The following ASTN2 variants were observed in gnomAD, a reference collection of about 807,000 sequenced individuals.
The protein encoded by ASTN2 is astrotactin 2, also known as astrotactin-2.
In ASTN2, 54 loss-of-function variants were observed where a neutral mutation model predicts 139.8. The observed-to-expected ratio is 0.39, with a 90% CI of 0.31 to 0.48. The LOEUF (loss-of-function observed/expected upper bound fraction) is 0.48. Among genes scored for constraint, ASTN2 ranks in the 20% least tolerant of loss-of-function variants. The probability of loss-of-function intolerance (pLI) is 0.95; values close to 1 mark genes in which losing one functional copy is unlikely to be tolerated. For missense variants in ASTN2, 1,565 were observed against 1,725.1 expected, an observed-to-expected ratio of 0.91 and a Z score of 1.64; for synonymous variants, 756 against 719.5, an observed-to-expected ratio of 1.05 and a Z score of -0.81.
At chr9:116,715,624 C>G (rs1828290802) in intron 16 of ASTN2, among the ~76,000 whole-genome samples, 1 of 152,128 alleles carries the variant, frequency 6.6e-6, no homozygotes, top group South Asian at 2.1e-4. Context: ...CACATGCACA[C>G]TTTATGCTTT....
intron 1 of ASTN2, among the ~76,000 whole-genome samples, chr9:117,340,224 C>T (rs923513668): frequency 2.7e-5 from 4 of 147,630 alleles, no homozygotes. Flanking sequence ...CCCAGCGACT[C>T]GGGAGGCTGA....
chr9:116,592,766 C>T (rs957043551), intron 19 of ASTN2, among the ~76,000 whole-genome samples: 1 of 152,190 alleles, frequency 6.6e-6, no homozygotes, highest in Non-Finnish European at 1.5e-5. Context: ...TCAACCACTT[C>T]ACTTCACAGA....
At chr9:116,442,788 A>C (rs193029379) in intron 20 of ASTN2, among the ~76,000 whole-genome samples, 123 of 152,366 alleles carry the variant, frequency 8.1e-4, no homozygotes, top group African/African-American at 2.9e-3. Context: ...ACTGAGACTT[A>C]GATTGTGTAT....
intron 10 of ASTN2, among the ~76,000 whole-genome samples, chr9:116,967,356 T>A (rs1465888647): frequency 6.6e-6 from 1 of 152,204 alleles, no homozygotes; most frequent in East Asian, 1.9e-4. Context: ...CCAGTATCCA[T>A]GCTATTCACT....
chr9:117,048,779 T>G (rs904687296), intron 5 of ASTN2, among the ~76,000 whole-genome samples: 2 of 152,096 alleles, frequency 1.3e-5, no homozygotes, highest in Non-Finnish European at 2.9e-5. Context: ...AAATGAGAAG[T>G]GACAGTCTTA....
intron 2 of ASTN2, among the ~76,000 whole-genome samples, chr9:117,261,293 G>A (rs563482214): frequency 6.6e-6 from 1 of 152,290 alleles, no homozygotes; most frequent in East Asian, 1.9e-4. Flanking sequence ...GTGTAATTCA[G>A]CAGAAATTGG....
At chr9:117,240,604 G>A (rs537418808) in intron 2 of ASTN2, among the ~76,000 whole-genome samples, 5 of 152,236 alleles carry the variant, frequency 3.3e-5, no homozygotes, top group Admixed American at 1.3e-4. Context: ...AATTAAGTGC[G>A]GGTACTATAA....
chr9:116,979,413 C>T (rs750188409), intron 7 of ASTN2, among the ~76,000 whole-genome samples: 7 of 151,982 alleles, frequency 4.6e-5, no homozygotes, highest in Admixed American at 1.3e-4. Flanking sequence ...AGAGGAAGTG[C>T]TGTAAGTAGT....
At chr9:117,036,081 A>G (rs1838376938) in intron 6 of ASTN2, among the ~76,000 whole-genome samples, 1 of 152,178 alleles carries the variant, frequency 6.6e-6, no homozygotes, top group African/African-American at 2.4e-5. Flanking sequence ...ACGTTCAATC[A>G]TCCCATAATA....
chr9:117,241,746 C>T (rs560772381), intron 2 of ASTN2, among the ~76,000 whole-genome samples: 1 of 152,184 alleles, frequency 6.6e-6, no homozygotes, highest in Non-Finnish European at 1.5e-5. Flanking sequence ...GTTTGGGGAC[C>T]ACTTCTGTAA....
chr9:116,445,423 G>C (rs983999138), intron 20 of ASTN2, among the ~76,000 whole-genome samples: 2 of 152,212 alleles, frequency 1.3e-5, no homozygotes, highest in African/African-American at 4.8e-5. Context: ...GTAGTGAATA[G>C]AATATATGAA....
intron 11 of ASTN2, among the ~76,000 whole-genome samples, chr9:116,841,048 C>G (rs111610995): frequency 1.1e-5 from 1 of 87,650 alleles, no homozygotes; most frequent in East Asian, 7.3e-4. Flanking sequence ...GGAGGTTGCA[C>G]GAGCCAAGAT....
At chr9:116,863,456 C>A (rs762825903) in intron 11 of ASTN2, 127 bp downstream of exon 11, 2 of 1,238,812 alleles carry the variant, frequency 1.6e-6, no homozygotes, top group African/African-American at 1.5e-5. Context: ...TACTGAAGGC[C>A]GCAGAGGCAG....
At chr9:116,487,610 A>G in intron 19 of ASTN2, 110 bp from the exon 20 acceptor site, 1 of 1,102,100 alleles carries the variant, frequency 9.1e-7, no homozygotes, top group South Asian at 1.8e-5. Context: ...CAAGAAAAAT[A>G]ATGGATAGAA....
intron 19 of ASTN2, among the ~76,000 whole-genome samples, chr9:116,517,707 C>G (rs547576783): frequency 6.6e-6 from 1 of 152,224 alleles, no homozygotes; most frequent in South Asian, 2.1e-4. Context: ...TTATGCTAAT[C>G]AAGGAGGCAC....
intron 16 of ASTN2, among the ~76,000 whole-genome samples, chr9:116,665,052 G>T (rs1858781487): frequency 6.6e-6 from 1 of 151,986 alleles, no homozygotes; most frequent in African/African-American, 2.4e-5. Flanking sequence ...TCTCTTTCTT[G>T]CTCCCTCTCT....
At chr9:117,070,729 A>G (rs1221560215) in intron 5 of ASTN2, among the ~76,000 whole-genome samples, 4 of 149,908 alleles carry the variant, frequency 2.7e-5, no homozygotes, top group African/African-American at 9.8e-5. Context: ...TTTTTTCTCT[A>G]AACTTCCCTT....
rs566394291 is a variant in ASTN2, at chr9:116,847,318, G to A, written c.2040+16265C>T. On this transcript the variant is annotated intron_variant, in intron 11 of 22. Transcript: ENST00000313400. The stretch of plus-strand genomic sequence containing the variant: ...TTTAGTAGAGACGGCGTTTCACTAT[G>A]TTGGCCAGGATGGTCTCAATCTCTT... 1.1e-4 allele frequency among the ~76,000 whole-genome samples: 16 copies of A among 152,264 alleles called. No homozygotes were observed. The East Asian group carries it at 2.9e-3, about 28-fold the overall frequency.
chr9:116,456,058 G>GA (rs147215282), intron 20 of ASTN2, among the ~76,000 whole-genome samples: 2,597 of 151,898 alleles, frequency 0.017, 69 homozygotes, highest in African/African-American at 0.059. Flanking sequence ...ATCTAAATTG[G>GA]AAAAAATGAA....
Sources: gnomAD v4.1 joint callset for allele counts (sites outside exome capture counted in the v4.1 genomes callset) on GRCh38, gnomAD v4.1.1 for gene constraint, MANE v1.5 for transcripts, NCBI Gene and HGNC (gene_info 2026-07-23, HGNC 2026-07-21) for gene names.